Variants in DGCR2 observed in about 807,000 individuals in gnomAD.
DGCR2 encodes the protein integral membrane protein DGCR2/IDD.
DGCR2 carries 24 observed loss-of-function variants against 51.6 expected under a neutral mutation model. The ratio of observed to expected loss-of-function variants is 0.47; its 90% CI spans 0.34 to 0.65. The LOEUF (loss-of-function observed/expected upper bound fraction) is 0.65. Ranked by LOEUF, DGCR2 falls within the 30% of genes least tolerant of loss-of-function variation. DGCR2 has a pLI of 0.01. For synonymous variants in DGCR2, 340 were observed against 315.4 expected (o/e 1.08, Z -0.82); for missense variants, 765 against 772.1 (o/e 0.99, Z 0.11).
chr22:19,063,079 C>T, intron 5 of DGCR2, 123 bp downstream of exon 5: 1 of 637,084 alleles, frequency 1.6e-6, no homozygotes, highest in Non-Finnish European at 2.5e-6. Context: ...AACTGGGGCT[C>T]ACCCACTCCC....
At chr22:19,048,840 G>C (rs2082519003) in intron 6 of DGCR2, among the ~76,000 whole-genome samples, 197 bp from the exon 7 acceptor site, 1 of 152,204 alleles carries the variant, frequency 6.6e-6, no homozygotes, top group Admixed American at 6.5e-5. Flanking sequence ...AAGCCTCTAA[G>C]ACAGCTCTGT....
At chr22:19,067,125 C>A (rs1403753881) in intron 3 of DGCR2, among the ~76,000 whole-genome samples, 1 of 152,180 alleles carries the variant, frequency 6.6e-6, no homozygotes, top group African/African-American at 2.4e-5. Flanking sequence ...CAGACCTGGT[C>A]ACCTCTGAGG....
chr22:19,064,160 A>G (rs541849257), intron 4 of DGCR2, among the ~76,000 whole-genome samples: 92 of 152,310 alleles, frequency 6.0e-4, no homozygotes, highest in African/African-American at 2.1e-3. Flanking sequence ...GTCTCCCCGC[A>G]TGGCAGGAGC....
chr22:19,080,318 T>C (rs2082921975), intron 2 of DGCR2, among the ~76,000 whole-genome samples: 1 of 152,236 alleles, frequency 6.6e-6, no homozygotes, highest in East Asian at 1.9e-4. Flanking sequence ...TTTCAACAAG[T>C]AGAAACAAAC....
chr22:19,114,152 G>GAAAAAA (rs74403708), intron 1 of DGCR2, among the ~76,000 whole-genome samples: 2 of 114,906 alleles, frequency 1.7e-5, no homozygotes, highest in Non-Finnish European at 2.0e-5. Context: ...GTTACCAAAG[G>GAAAAAA]AAAAAAAAAA....
chr22:19,036,438 C>T lies in DGCR2; in HGVS notation c.*2427G>A, dbSNP rs140814750. On this transcript the variant is annotated 3_prime_UTR_variant, in exon 10 of 10. Coordinates refer to ENST00000263196, the MANE Select transcript of DGCR2 (RefSeq NM_005137.3). ...AATGTACAGTATCAAATCCCACCTC[C>T]GCATGGCAGGTCAGAGGGCACCTGG... 6.7e-3 allele frequency: 1,029 copies of T among 152,620 alleles called. 7 individuals are homozygous for T. Among genetic ancestry groups the T allele is most frequent in the Non-Finnish European group, 0.011 (740 of 68,032 alleles). The allele number at this position is 152,620 out of a possible 1,614,324, so 9.5% of individuals were successfully genotyped here.
intron 1 of DGCR2, among the ~76,000 whole-genome samples, chr22:19,103,081 A>G (rs2083221148): frequency 6.6e-6 from 1 of 152,222 alleles, no homozygotes; most frequent in Non-Finnish European, 1.5e-5. Flanking sequence ...ATGAAATACT[A>G]ACACATGCTA....
At chr22:19,112,353 AAG>A (rs1356185225) in intron 1 of DGCR2, among the ~76,000 whole-genome samples, 2 of 152,162 alleles carry the variant, frequency 1.3e-5, no homozygotes, top group South Asian at 4.1e-4. Context: ...AGTGTAATGA[AAG>A]AGGGGCTTGT....
chr22:19,106,719 G>A (rs1047785948), intron 1 of DGCR2, among the ~76,000 whole-genome samples: 1 of 152,080 alleles, frequency 6.6e-6, no homozygotes, highest in Non-Finnish European at 1.5e-5. Flanking sequence ...GGGCTGACCC[G>A]CCTACTCAGT....
chr22:19,042,288 T>C (rs1331710497), intron 7 of DGCR2, among the ~76,000 whole-genome samples: 1 of 152,164 alleles, frequency 6.6e-6, no homozygotes, highest in East Asian at 1.9e-4. Flanking sequence ...GCTGCGCTCA[T>C]GTGCTGTGTA....
At chr22:19,120,198 T>C (rs2083417490) in intron 1 of DGCR2, among the ~76,000 whole-genome samples, 1 of 152,040 alleles carries the variant, frequency 6.6e-6, no homozygotes, top group African/African-American at 2.4e-5. Context: ...CCTCCAGGGG[T>C]AGCTGCAATG....
At chr22:19,061,461 A>C (rs1188748555) in intron 5 of DGCR2, 1 of 152,194 alleles carries the variant, frequency 6.6e-6, no homozygotes, top group Non-Finnish European at 1.5e-5. Flanking sequence ...CCACACAACC[A>C]CAGTCCTATT....
Position 19,038,715 on chromosome 22 carries a change from T to A in DGCR2, c.*150A>T, listed in dbSNP as rs1440574141. The A allele has an allele frequency of 1.9e-6, 2 of 1,056,920 alleles. No homozygotes were observed. The highest frequency in any genetic ancestry group is 1.6e-5 in the African/African-American group (1 of 62,692). 65.5% of individuals were successfully genotyped at this position (1,056,920 alleles called of 1,614,324 possible). On this transcript the variant is annotated 3_prime_UTR_variant, in exon 10 of 10. Coordinates refer to ENST00000263196, the MANE Select transcript of DGCR2 (RefSeq NM_005137.3). ...ACTTCTTTTGGCAGAAGGCGGGCTG[T>A]GGTCTCTATGTACACACGCGAGCCC... is the stretch of plus-strand genomic sequence containing the variant.
intron 1 of DGCR2, among the ~76,000 whole-genome samples, chr22:19,099,168 T>G (rs1213138529): frequency 6.6e-6 from 1 of 152,210 alleles, no homozygotes; most frequent in Non-Finnish European, 1.5e-5. Flanking sequence ...GTGACAGGGC[T>G]GTGGTAATGA....
chr22:19,090,488 C>T (rs780995978), intron 1 of DGCR2, among the ~76,000 whole-genome samples: 2 of 152,092 alleles, frequency 1.3e-5, no homozygotes, highest in Non-Finnish European at 2.9e-5. Context: ...TCATTAGAAA[C>T]GATACAGCCT....
chr22:19,077,013 C>T (rs528531092), intron 2 of DGCR2, among the ~76,000 whole-genome samples: 6 of 152,248 alleles, frequency 3.9e-5, no homozygotes, highest in Admixed American at 6.5e-5. Flanking sequence ...CGTGAGCCGC[C>T]GCACCCAGTC....
At chr22:19,062,359 TG>T (rs1435382897) in intron 5 of DGCR2, among the ~76,000 whole-genome samples, 1 of 152,148 alleles carries the variant, frequency 6.6e-6, no homozygotes, top group African/African-American at 2.4e-5. Flanking sequence ...CCCGCCTCTG[TG>T]GGGCCCTCTT....
rs778314166 is a variant in DGCR2, at chr22:19,122,158, C to T, written c.49G>A (p.Val17Met). 2 of 1,510,950 alleles carry T rather than the reference C, an allele frequency of 1.3e-6. No individual in the cohort carries two copies. The highest frequency in any genetic ancestry group is 8.9e-7 in the Non-Finnish European group (1 of 1,129,612). 93.6% of individuals were successfully genotyped at this position (1,510,950 alleles called of 1,614,324 possible). ...CGCAGCGGCTCGGTGACAGTGAGCACGAGCAGGAAGAGCAGCAGGAAGGCG... is the reference window on the plus strand; with the variant it reads ...CGCAGCGGCTCGGTGACAGTGAGCATGAGCAGGAAGAGCAGCAGGAAGGCG... ...SGAFLLLFLL[V>M]LTVTEPLRPE... Residue 17 changes from valine to methionine, a missense_variant, in exon 1 of 10, where the codon GTG (valine) becomes ATG (methionine). Around this residue, in one of 3 missense-constraint regions of DGCR2, gnomAD observed 370 missense variants for 325.5 expected, o/e 1.14. Coordinates refer to ENST00000263196, the MANE Select transcript of DGCR2 (RefSeq NM_005137.3).
At chr22:19,114,407 G>C (rs1422455621) in intron 1 of DGCR2, among the ~76,000 whole-genome samples, 1 of 152,266 alleles carries the variant, frequency 6.6e-6, no homozygotes, top group Non-Finnish European at 1.5e-5. Context: ...AAATAGGGTA[G>C]ATGGGGAAAT....
Sources: allele counts gnomAD v4.1 joint callset (sites outside exome capture counted in the v4.1 genomes callset), GRCh38; gene constraint gnomAD v4.1.1; regional missense constraint gnomAD v4.1.1; transcripts MANE v1.5; gene names NCBI Gene and HGNC (gene_info 2026-07-23, HGNC 2026-07-21).